The following HEXD variants were observed in gnomAD, a reference collection of about 807,000 sequenced individuals.
HEXD encodes the protein N-acetyl-beta-galactosaminidase.
HEXD carries 47 observed loss-of-function variants against 54.2 expected under a neutral mutation model. The observed-to-expected ratio is 0.87, with a 90% CI of 0.69 to 1.11. The LOEUF (loss-of-function observed/expected upper bound fraction) is 1.11, where lower values mean the gene tolerates loss of function less well. HEXD is among the 50% of genes least tolerant of loss of function. The pLI is 0.00. For missense variants in HEXD, 576 were observed against 649.2 expected, an observed-to-expected ratio of 0.89 and a Z score of 1.23; for synonymous variants, 293 against 287.6, an observed-to-expected ratio of 1.02 and a Z score of -0.19.
At chr17:82,440,690 C>G (rs1466536803) in intron 9 of HEXD, 1 of 452,682 alleles carries the variant, frequency 2.2e-6, no homozygotes, top group East Asian at 4.6e-5. Flanking sequence ...CCCTGGACAC[C>G]TGTGTGGGTC....
intron 11 of HEXD, 132 bp from the exon 12 acceptor site, chr17:82,441,668 C>A: frequency 1.3e-6 from 1 of 783,924 alleles, no homozygotes; most frequent in Non-Finnish European, 2.2e-6. Flanking sequence ...CCTCATCCTT[C>A]ACAAAGACTT....
At chr17:82,432,884 A>C (rs8081773) in intron 4 of HEXD, among the ~76,000 whole-genome samples, 1 of 147,854 alleles carries the variant, frequency 6.8e-6, no homozygotes, top group African/African-American at 2.5e-5. Flanking sequence ...TAACACGGTG[A>C]AACCCCGTCT....
intron 11 of HEXD, among the ~76,000 whole-genome samples, chr17:82,441,562 T>G (rs1599761702): frequency 3.6e-5 from 4 of 111,614 alleles, no homozygotes; most frequent in East Asian, 2.6e-4. Context: ...GGGGCAGGTG[T>G]GGGTGGGAGG....
chr17:82,437,003 G>T, intron 7 of HEXD, 165 bp from the exon 8 acceptor site: 1 of 705,596 alleles, frequency 1.4e-6, no homozygotes, highest in Non-Finnish European at 2.5e-6. Context: ...CCCCGACTGG[G>T]ACCCGGGCCG....
chr17:82,442,040 TC>T lies in HEXD; in HGVS notation c.1254-135del, dbSNP rs1176011362. ...AGATGTGCAGCTGTCACCGACTTGTTCCTCCCGACATGCCGATGAGGTAGGG... is the reference window on the plus strand; with the variant it reads ...AGATGTGCAGCTGTCACCGACTTGTTCTCCCGACATGCCGATGAGGTAGGG... On this transcript the variant is annotated intron_variant, in intron 12 of 12. Coordinates refer to ENST00000327949, the MANE Select transcript of HEXD (RefSeq NM_001330542.2). This position sits in a 1 kb window ranked among gnomAD's most constrained non-coding sequence, Gnocchi z 6.8. 5 of 1,320,782 alleles carry T rather than the reference TC, an allele frequency of 3.8e-6. No individual in the cohort carries two copies. The highest frequency in any genetic ancestry group is 5.3e-6 in the Non-Finnish European group (5 of 946,574). 81.8% of individuals were successfully genotyped at this position (1,320,782 alleles called of 1,614,324 possible). A position where few individuals can be genotyped will look rare whatever the true frequency, so the allele number is the denominator to read the frequency against.
chr17:82,437,507 C>T, intron 8 of HEXD, 144 bp downstream of exon 8: 1 of 705,164 alleles, frequency 1.4e-6, no homozygotes, highest in Non-Finnish European at 2.2e-6. Flanking sequence ...GCAGAAACAG[C>T]CACGTGGGGT....
At chr17:82,437,891 C>T (rs1384417460) in intron 8 of HEXD, among the ~76,000 whole-genome samples, 1 of 152,154 alleles carries the variant, frequency 6.6e-6, no homozygotes, top group Admixed American at 6.6e-5. Flanking sequence ...GTCTTGTCTA[C>T]GTAAACACTA....
chr17:82,442,078 A>G lies in HEXD; in HGVS notation c.1254-99A>G, dbSNP rs990990652. The G allele has an allele frequency of 1.4e-6, 2 of 1,455,018 alleles. No homozygotes were observed. The highest frequency in any genetic ancestry group is 4.6e-5 in the East Asian group (2 of 43,650). 90.1% of individuals were successfully genotyped at this position (1,455,018 alleles called of 1,614,324 possible). On this transcript the variant is annotated intron_variant, in intron 12 of 12. Coordinates refer to ENST00000327949, the MANE Select transcript of HEXD (RefSeq NM_001330542.2). The surrounding 1 kb of genome is among the most constrained non-coding windows in gnomAD (Gnocchi z 6.8). ...CCGATGAGGTAGGGTCAGTAGCCCCATTTCACAGGTGAACTGAGGCACAGG... is the reference window on the plus strand; with the variant it reads ...CCGATGAGGTAGGGTCAGTAGCCCCGTTTCACAGGTGAACTGAGGCACAGG...
rs2053702569 is a variant in HEXD, at chr17:82,434,500, A to C, written c.447+678A>C. On this transcript the variant is annotated intron_variant, in intron 5 of 12. Coordinates refer to ENST00000327949, the MANE Select transcript of HEXD (RefSeq NM_001330542.2). The surrounding 1 kb of genome is among the most constrained non-coding windows in gnomAD (Gnocchi z 4.5). ...CCAGAAGTTTCCTTTTTTTGAAGGA[A>C]ACCTGAGTATGTAAAATACACTTAA... 6.6e-6 allele frequency among the ~76,000 whole-genome samples: 1 copy of C among 152,150 alleles called. No individual in the cohort carries two copies. The highest frequency in any genetic ancestry group is 1.5e-5 in the Non-Finnish European group (1 of 68,028).
At position 82,442,172 on chromosome 17, in the gene HEXD, T is replaced by TGCAGCCTCCTGGCACAGTGGA. The variant is rs1463300128; in HGVS notation, c.1254-1_1273dup. ...ACTGTGCGTTCATGGCGCCCTCACC[T>TGCAGCCTCCTGGCACAGTGGA]GCAGCCTCCTGGCACAGTGGAGCAC... On this transcript the variant is annotated splice_polypyrimidine_tract_variant and splice_region_variant and intron_variant, in intron 12 of 12. Transcript: ENST00000327949. This position sits in a 1 kb window ranked among gnomAD's most constrained non-coding sequence, Gnocchi z 6.8. The TGCAGCCTCCTGGCACAGTGGA allele has an allele frequency of 6.3e-7, 1 of 1,592,930 alleles. No homozygotes were observed. Among genetic ancestry groups the TGCAGCCTCCTGGCACAGTGGA allele is most frequent in the Non-Finnish European group, 8.5e-7 (1 of 1,172,654 alleles).
intron 2 of HEXD, among the ~76,000 whole-genome samples, chr17:82,421,063 T>A (rs7213057): frequency 1.3e-5 from 2 of 151,170 alleles, no homozygotes. Context: ...CCAACAGTGC[T>A]ATGACCAGAG....
chr17:82,439,904 G>A, intron 9 of HEXD, 191 bp downstream of exon 9: 2 of 1,528,294 alleles, frequency 1.3e-6, no homozygotes, highest in Non-Finnish European at 8.8e-7. Flanking sequence ...CCTGTGTCTG[G>A]GTCTCCAGGC....
chr17:82,430,690 A>G (rs1000166782), intron 4 of HEXD, among the ~76,000 whole-genome samples: 6 of 152,124 alleles, frequency 3.9e-5, no homozygotes, highest in African/African-American at 1.2e-4. Flanking sequence ...TGCCCAGCCC[A>G]GTATACCCTC....
intron 4 of HEXD, among the ~76,000 whole-genome samples, chr17:82,433,129 T>TA (rs1555617733): frequency 7.8e-3 from 66 of 8,418 alleles, no homozygotes; most frequent in African/African-American, 0.014. Flanking sequence ...TATATATATA[T>TA]TTTTTTTTTT....
At chr17:82,424,786 T>C (rs2143417187) in intron 3 of HEXD, among the ~76,000 whole-genome samples, 1 of 152,388 alleles carries the variant, frequency 6.6e-6, no homozygotes, top group South Asian at 2.1e-4. Context: ...GTCTCTGTCC[T>C]GCAGGCGTTT....
chr17:82,440,887 C>A, intron 9 of HEXD, 110 bp from the exon 10 acceptor site: 1 of 1,272,032 alleles, frequency 7.9e-7, no homozygotes, highest in Non-Finnish European at 1.1e-6. Context: ...GCCAGTGGCT[C>A]TCCATTGCCG....
chr17:82,441,710 C>T, intron 11 of HEXD, 90 bp from the exon 12 acceptor site: 3 of 972,674 alleles, frequency 3.1e-6, no homozygotes, highest in South Asian at 1.3e-5. Flanking sequence ...AAATGTCAAC[C>T]CCATTCTTAA....
chr17:82,422,208 T>C (rs1466524146), intron 2 of HEXD, among the ~76,000 whole-genome samples: 2 of 150,406 alleles, frequency 1.3e-5, no homozygotes, highest in Non-Finnish European at 3.0e-5. Context: ...CTGAATAGCA[T>C]TGCAGCAGTG....
At chr17:82,424,585 C>G in intron 3 of HEXD, 82 bp downstream of exon 3, 1 of 926,902 alleles carries the variant, frequency 1.1e-6, no homozygotes, top group Non-Finnish European at 1.7e-6. Flanking sequence ...GAGCAGCAAC[C>G]TGGAGGTGCG....
Sources: gnomAD v4.1 joint callset for allele counts (sites outside exome capture counted in the v4.1 genomes callset) on GRCh38, gnomAD v4.1.1 for gene constraint, Gnocchi (gnomAD v3.1) non-coding constraint, MANE v1.5 for transcripts, NCBI Gene and HGNC (gene_info 2026-07-23, HGNC 2026-07-21) for gene names.